The following SLC40A1 variants were observed in gnomAD, a reference collection of about 807,000 sequenced individuals.
SLC40A1 encodes the protein ferroportin.
A neutral mutation model predicts 53.5 loss-of-function variants in SLC40A1; 16 were observed. The ratio of observed to expected loss-of-function variants is 0.30; its 90% CI spans 0.20 to 0.45. The LOEUF is 0.45. Among genes scored for constraint, SLC40A1 ranks in the 20% least tolerant of loss-of-function variants. The pLI, the probability that SLC40A1 is intolerant of heterozygous loss-of-function variation, is 1.00. For synonymous variants in SLC40A1, 247 were observed against 253.2 expected (o/e 0.98, Z 0.23); for missense variants, 545 against 695.4 (o/e 0.78, Z 2.43).
At chr2:189,566,711 C>T (rs1028448776) in intron 5 of SLC40A1, among the ~76,000 whole-genome samples, 1 of 152,146 alleles carries the variant, frequency 6.6e-6, no homozygotes, top group Non-Finnish European at 1.5e-5. Flanking sequence ...ATGGTGGAAT[C>T]ACATGGAAGC....
intron 5 of SLC40A1, among the ~76,000 whole-genome samples, chr2:189,566,239 A>G (rs1366540195): frequency 1.3e-5 from 2 of 152,216 alleles, no homozygotes; most frequent in Non-Finnish European, 1.5e-5. Flanking sequence ...CTTGGTCACA[A>G]GAGAGATTCT....
intron 3 of SLC40A1, among the ~76,000 whole-genome samples, chr2:189,573,732 C>G (rs924288950): frequency 1.3e-5 from 2 of 152,122 alleles, no homozygotes; most frequent in African/African-American, 2.4e-5. Context: ...AAAACACTTA[C>G]GAAAGCAGTT....
At chr2:189,577,594 G>A (rs900662771) in intron 2 of SLC40A1, among the ~76,000 whole-genome samples, 4 of 148,006 alleles carry the variant, frequency 2.7e-5, no homozygotes, top group Non-Finnish European at 5.9e-5. Flanking sequence ...TGTATTATAA[G>A]CTCCTTGACA....
chr2:189,578,309 T>G, intron 2 of SLC40A1: 3 of 1,002,420 alleles, frequency 3.0e-6, no homozygotes, highest in Non-Finnish European at 3.6e-6. Context: ...TTGCTGCTGT[T>G]TGTTTAATCC....
intron 2 of SLC40A1, 113 bp from the exon 3 acceptor site, chr2:189,575,433 T>C: frequency 1.1e-6 from 1 of 948,930 alleles, no homozygotes; most frequent in Non-Finnish European, 1.7e-6. Flanking sequence ...TATGAGACTT[T>C]CAAAGTCAGT....
At chr2:189,578,172 T>G in intron 2 of SLC40A1, 1 of 977,710 alleles carries the variant, frequency 1.0e-6, no homozygotes, top group Non-Finnish European at 1.2e-6. Context: ...TGTAACAAAA[T>G]CAGGCAGAGT....
chr2:189,564,282 A>G, intron 6 of SLC40A1, 57 bp from the exon 7 acceptor site: 2 of 1,487,394 alleles, frequency 1.3e-6, no homozygotes, highest in East Asian at 4.5e-5. Flanking sequence ...ATAAAAGCCA[A>G]TTATTAGTAG....
chr2:189,565,234 A>G, intron 6 of SLC40A1, 120 bp downstream of exon 6: 1 of 1,251,876 alleles, frequency 8.0e-7, no homozygotes, highest in Non-Finnish European at 1.1e-6. Context: ...CGATATATTT[A>G]ACCTCATCTG....
chr2:189,568,844 T>G (rs2031033662), intron 5 of SLC40A1, among the ~76,000 whole-genome samples: 1 of 152,138 alleles, frequency 6.6e-6, no homozygotes, highest in African/African-American at 2.4e-5. Context: ...TTTTTTAGCA[T>G]GATGGGCAAG....
At chr2:189,572,988 C>T (rs2031179177) in intron 3 of SLC40A1, 27 bp from the exon 4 acceptor site, 2 of 1,458,700 alleles carry the variant, frequency 1.4e-6, no homozygotes, top group East Asian at 2.3e-5. Context: ...AGAAAGTGTA[C>T]ATTACATCAA....
chr2:189,571,498 A>T (rs2031123869), intron 5 of SLC40A1, among the ~76,000 whole-genome samples: 2 of 152,052 alleles, frequency 1.3e-5, no homozygotes, highest in Admixed American at 1.3e-4. Flanking sequence ...TTTGTGTAGG[A>T]TAAAAGAGAA....
Position 189,564,075 on chromosome 2 carries a change from T to C in SLC40A1, c.911A>G (p.Asn304Ser), listed in dbSNP as rs1376928731. 1.1e-5 allele frequency: 18 copies of C among 1,611,490 alleles called. No individual in the cohort carries two copies. The highest frequency in any genetic ancestry group is 1.5e-5 in the Non-Finnish European group (18 of 1,178,326). ...CATGCCAGCCAGAAACACAGGCTGG[T>C]TGTAGTAGGAGACCCATCCATCTCG... ...TFRDGWVSYY[N>S]QPVFLAGMGL... Residue 304 changes from asparagine (N) to serine (S), a missense_variant, in exon 7 of 8, where the codon AAC (asparagine) becomes AGC (serine). By Grantham distance (46) the Asn-to-Ser change is conservative (BLOSUM62 1). This residue lies in a region of SLC40A1 where 107 missense variants were observed against 91.0 expected (regional missense o/e 1.18). Coordinates refer to ENST00000261024, the MANE Select transcript of SLC40A1 (RefSeq NM_014585.6).
At chr2:189,564,580 C>A (rs796076893) in intron 6 of SLC40A1, among the ~76,000 whole-genome samples, 8 of 152,230 alleles carry the variant, frequency 5.3e-5, no homozygotes, top group Middle Eastern at 3.4e-3. Flanking sequence ...GTGGCTCACA[C>A]CTGTAATCCC....
chr2:189,562,896 A>C (rs1053302176), intron 7 of SLC40A1, among the ~76,000 whole-genome samples: 1 of 152,106 alleles, frequency 6.6e-6, no homozygotes, highest in African/African-American at 2.4e-5. Context: ...TCTTCTTTTA[A>C]AGCCAAAAAC....
intron 1 of SLC40A1, 114 bp downstream of exon 1, chr2:189,580,304 T>A: frequency 8.8e-7 from 1 of 1,133,548 alleles, no homozygotes; most frequent in South Asian, 1.2e-5. Flanking sequence ...AAGGATCTTT[T>A]TACAAAGCTA....
intron 2 of SLC40A1, among the ~76,000 whole-genome samples, chr2:189,577,249 A>C (rs552034961): frequency 6.6e-6 from 1 of 152,316 alleles, no homozygotes; most frequent in African/African-American, 2.4e-5. Flanking sequence ...GCTACTATGT[A>C]CCCGACATTT....
intron 2 of SLC40A1, 85 bp downstream of exon 2, chr2:189,579,728 G>T: frequency 8.6e-7 from 1 of 1,164,394 alleles, no homozygotes; most frequent in South Asian, 1.2e-5. Flanking sequence ...TGACAAAACT[G>T]GAAGTTGGCT....
intron 3 of SLC40A1, among the ~76,000 whole-genome samples, chr2:189,574,231 T>A (rs1306890246): frequency 6.6e-6 from 1 of 152,226 alleles, no homozygotes; most frequent in Admixed American, 6.5e-5. Flanking sequence ...TAAAAGTTTC[T>A]ATGTATAATA....
At chr2:189,568,026 A>G (rs945810089) in intron 5 of SLC40A1, among the ~76,000 whole-genome samples, 2 of 152,294 alleles carry the variant, frequency 1.3e-5, no homozygotes, top group Admixed American at 6.5e-5. Flanking sequence ...ATTATTTCTT[A>G]CCCTTTCACT....
Sources: gnomAD v4.1 joint callset for allele counts (sites outside exome capture counted in the v4.1 genomes callset) on GRCh38, gnomAD v4.1.1 for gene constraint, gnomAD v4.1.1 regional missense constraint, MANE v1.5 for transcripts, NCBI Gene and HGNC (gene_info 2026-07-23, HGNC 2026-07-21) for gene names.